The following RBFOX2 variants were observed in gnomAD, a reference collection of about 807,000 sequenced individuals.
RBFOX2 encodes RNA binding protein fox-1 homolog 2.
Under a neutral mutation model 49.1 loss-of-function variants are expected in RBFOX2, and 10 were observed. The observed-to-expected ratio is 0.20, with a 90% CI of 0.13 to 0.35. The LOEUF (loss-of-function observed/expected upper bound fraction) is 0.35, where lower values mean the gene tolerates loss of function less well. Among genes scored for constraint, RBFOX2 ranks in the 10% least tolerant of loss-of-function variants. The pLI is 1.00. For synonymous variants in RBFOX2, 183 were observed against 187.4 expected (o/e 0.98, Z 0.19); for missense variants, 323 against 486.9 (o/e 0.66, Z 3.17).
chr22:35,756,000 TA>T, intron 9 of RBFOX2, 104 bp downstream of exon 11: 1 of 662,162 alleles, frequency 1.5e-6, no homozygotes, highest in Non-Finnish European at 2.2e-6. Context: ...AAATAAAAAT[TA>T]AATAAATTAA....
intron 1 of RBFOX2, among the ~76,000 whole-genome samples, chr22:35,935,072 C>G (rs951331664): frequency 6.6e-6 from 1 of 152,060 alleles, no homozygotes; most frequent in African/African-American, 2.4e-5. Context: ...GTAGCTGGGA[C>G]TACAGGCACA....
intron 1 of RBFOX2, among the ~76,000 whole-genome samples, chr22:35,986,287 T>C (rs2150085788): frequency 6.6e-6 from 1 of 152,260 alleles, no homozygotes; most frequent in South Asian, 2.1e-4. Flanking sequence ...AGGAATTTGA[T>C]ATGAACAGCA....
chr22:36,024,105 G>C (rs2059342031), intron 1 of RBFOX2, among the ~76,000 whole-genome samples: 1 of 152,150 alleles, frequency 6.6e-6, no homozygotes, highest in African/African-American at 2.4e-5. Context: ...CATTCAAAGT[G>C]CCTGGAAAAT....
chr22:35,970,818 GCAA>G (rs1199024659), intron 1 of RBFOX2, among the ~76,000 whole-genome samples: 1 of 152,078 alleles, frequency 6.6e-6, no homozygotes, highest in Non-Finnish European at 1.5e-5. Context: ...TCACATTTAC[GCAA>G]CAACATCAGT....
chr22:35,897,324 G>A, intron 1 of RBFOX2: 1 of 1,456,704 alleles, frequency 6.9e-7, no homozygotes, highest in Non-Finnish European at 9.6e-7. Context: ...CCAGCAGTAA[G>A]TGTGATGAAG....
intron 1 of RBFOX2, among the ~76,000 whole-genome samples, chr22:35,881,101 A>G (rs1222646008): frequency 2.0e-5 from 3 of 151,646 alleles, no homozygotes; most frequent in African/African-American, 2.4e-5. Flanking sequence ...CGTCTCTACT[A>G]AAAATACAAA....
At chr22:35,984,205 C>A (rs1357240414) in intron 1 of RBFOX2, among the ~76,000 whole-genome samples, 1 of 152,108 alleles carries the variant, frequency 6.6e-6, no homozygotes, top group Non-Finnish European at 1.5e-5. Flanking sequence ...AAAAAACAAA[C>A]CTGATTCCTG....
chr22:35,968,344 G>A (rs796796830), intron 1 of RBFOX2, among the ~76,000 whole-genome samples: 2 of 152,270 alleles, frequency 1.3e-5, no homozygotes, highest in African/African-American at 4.8e-5. Context: ...TCTATCATAA[G>A]CCTCAAAATA....
intron 1 of RBFOX2, among the ~76,000 whole-genome samples, chr22:35,937,161 C>T (rs1379587491): frequency 6.6e-6 from 1 of 152,184 alleles, no homozygotes; most frequent in African/African-American, 2.4e-5. Context: ...CCCAATCTTA[C>T]ACTTACCCAA....
intron 1 of RBFOX2, among the ~76,000 whole-genome samples, chr22:36,004,197 C>T (rs923048226): frequency 6.6e-6 from 1 of 152,162 alleles, no homozygotes; most frequent in African/African-American, 2.4e-5. Context: ...AGTTTCAATG[C>T]TTAGGCCTAG....
intron 9 of RBFOX2, among the ~76,000 whole-genome samples, chr22:35,755,179 T>C (rs1353003345): frequency 6.6e-6 from 1 of 152,230 alleles, no homozygotes; most frequent in Non-Finnish European, 1.5e-5. Context: ...AATCATTTCA[T>C]GCTGACAAGT....
intron 1 of RBFOX2, among the ~76,000 whole-genome samples, chr22:35,930,240 C>T (rs1192021333): frequency 2.0e-5 from 3 of 151,490 alleles, no homozygotes; most frequent in Non-Finnish European, 4.4e-5. Flanking sequence ...AGGCTGGTTT[C>T]GAGCTCCAGA....
chr22:35,743,929 T>TA, exon 12 of RBFOX2: 1 of 368,924 alleles, frequency 2.7e-6, no homozygotes, highest in Admixed American at 4.7e-5. Flanking sequence ...GGAAATGCAT[T>TA]ATTTTTTTTT....
chr22:35,965,973 A>G (rs1347343806), upstream of RBFOX2, among the ~76,000 whole-genome samples: 1 of 151,748 alleles, frequency 6.6e-6, no homozygotes, highest in Non-Finnish European at 1.5e-5. Context: ...GCCCCCTGCC[A>G]TGTAACTAAC....
chr22:35,976,259 T>C (rs1340113628), intron 1 of RBFOX2, among the ~76,000 whole-genome samples: 1 of 152,124 alleles, frequency 6.6e-6, no homozygotes, highest in East Asian at 1.9e-4. Flanking sequence ...TTTTACACAA[T>C]TCTAGTAGCC....
chr22:35,786,929 CCT>C (rs977513282), intron 2 of RBFOX2, among the ~76,000 whole-genome samples: 13 of 152,182 alleles, frequency 8.5e-5, no homozygotes, highest in African/African-American at 3.1e-4. Flanking sequence ...GAACCCCACC[CCT>C]CTCTTACCTT....
chr22:35,869,705 G>A (rs2149175592), intron 1 of RBFOX2, among the ~76,000 whole-genome samples: 1 of 152,164 alleles, frequency 6.6e-6, no homozygotes, highest in East Asian at 1.9e-4. Flanking sequence ...TGCCCCTTAT[G>A]GTCATGTCCA....
chr22:35,782,005 C>T (rs535736523), intron 2 of RBFOX2, among the ~76,000 whole-genome samples: 2 of 152,126 alleles, frequency 1.3e-5, no homozygotes, highest in East Asian at 1.9e-4. Context: ...CTAACGAACA[C>T]GGAAGTACTA....
intron 1 of RBFOX2, among the ~76,000 whole-genome samples, chr22:36,011,423 G>T (rs1603466504): frequency 1.3e-5 from 2 of 151,970 alleles, no homozygotes; most frequent in African/African-American, 4.8e-5. Context: ...TCTTTACAAG[G>T]GACATTTGGA....
Sources: gnomAD v4.1 joint callset for allele counts (sites outside exome capture counted in the v4.1 genomes callset) on GRCh38, gnomAD v4.1.1 for gene constraint, MANE v1.5 for transcripts, NCBI Gene and HGNC (gene_info 2026-07-23, HGNC 2026-07-21) for gene names.